RP1: variants seen among roughly 807,000 people sequenced by gnomAD.
RP1 encodes the protein oxygen-regulated protein 1.
In RP1, 16 loss-of-function variants were observed where a neutral mutation model predicts 14.8. The ratio of observed to expected loss-of-function variants is 1.08; its 90% CI spans 0.73 to 1.65. RP1 has a LOEUF of 1.65. Ranked by LOEUF, RP1 falls within the 40% of genes most tolerant of loss-of-function variation. The pLI, the probability that RP1 is intolerant of heterozygous loss-of-function variation, is 0.00. For synonymous variants in RP1, 876 were observed against 883.6 expected, an observed-to-expected ratio of 0.99 and a Z score of 0.15; for missense variants, 2,631 against 2,535.0, an observed-to-expected ratio of 1.04 and a Z score of -0.81.
exon 22 of RP1, chr8:54,759,051 T>A: frequency 6.5e-7 from 1 of 1,535,160 alleles, no homozygotes; most frequent in Non-Finnish European, 8.7e-7. Flanking sequence ...CGGCACCACA[T>A]CCGAGTCCAT....
chr8:54,671,179 A>G lies in RP1; in HGVS notation c.1324-2671A>G, dbSNP rs984195743. Among the ~76,000 whole-genome samples the G allele has an allele frequency of 2.6e-5, 4 of 151,968 alleles. No homozygotes were observed. The East Asian group carries it at 7.7e-4, about 29-fold the overall frequency. On this transcript the variant is annotated intron_variant, in intron 7 of 22. Transcript: ENST00000636932. The stretch of plus-strand genomic sequence containing the variant: ...ATCATCCTGTTGCCCTTTAGCCTGC[A>G]TGGTTTCTACACAAATTTACTCATA...
At chr8:54,832,019 C>T (rs1811541983) in intron 24 of RP1, among the ~76,000 whole-genome samples, 2 of 151,842 alleles carry the variant, frequency 1.3e-5, no homozygotes, top group African/African-American at 4.8e-5. Flanking sequence ...AAAATAGCCA[C>T]TATTCTTACT....
chr8:54,767,627 T>A (rs925172576), intron 22 of RP1, among the ~76,000 whole-genome samples: 2 of 152,178 alleles, frequency 1.3e-5, no homozygotes, highest in Admixed American at 1.3e-4. Context: ...CCCAAAGTGC[T>A]GGGATTACAG....
intron 24 of RP1, among the ~76,000 whole-genome samples, chr8:54,812,567 GAAAGATCCGT>G: frequency 6.6e-6 from 1 of 152,272 alleles, no homozygotes; most frequent in East Asian, 1.9e-4. Context: ...ACCAACCTTA[GAAAGATCCGT>G]AAAGTTATTT....
chr8:54,710,586 G>C (rs1253600634), intron 15 of RP1, among the ~76,000 whole-genome samples: 1 of 152,210 alleles, frequency 6.6e-6, no homozygotes, highest in Non-Finnish European at 1.5e-5. Flanking sequence ...CACCCAAGAA[G>C]AATGAGGTCA....
chr8:54,869,880 C>G, exon 29 of RP1: 1 of 1,231,598 alleles, frequency 8.1e-7, no homozygotes, highest in Non-Finnish European at 1.0e-6. Context: ...CAAGACCCAG[C>G]GGGAATTGCT....
chr8:54,863,550 T>C (rs1812397792), intron 27 of RP1, among the ~76,000 whole-genome samples: 1 of 152,246 alleles, frequency 6.6e-6, no homozygotes, highest in African/African-American at 2.4e-5. Flanking sequence ...GATACGAGGA[T>C]GGAATCAACT....
At chr8:54,837,778 T>C in intron 25 of RP1, 1 of 544,044 alleles carries the variant, frequency 1.8e-6, no homozygotes, top group Non-Finnish European at 2.8e-6. Context: ...AGTAAATATC[T>C]CACACTTCGT....
intron 24 of RP1, among the ~76,000 whole-genome samples, chr8:54,832,711 T>C (rs1181446740): frequency 6.7e-6 from 1 of 150,196 alleles, no homozygotes; most frequent in African/African-American, 2.4e-5. Flanking sequence ...GCAGTAACTC[T>C]GTATTCTGTT....
intron 16 of RP1, among the ~76,000 whole-genome samples, chr8:54,724,221 G>A (rs1028614620): frequency 6.6e-6 from 1 of 152,096 alleles, no homozygotes; most frequent in Non-Finnish European, 1.5e-5. Context: ...GACAAAATAT[G>A]TTTCAGATGA....
At chr8:54,634,235 T>A (rs764966982), downstream of RP1, among the ~76,000 whole-genome samples, 56 of 152,212 alleles carry the variant, frequency 3.7e-4, no homozygotes, top group Non-Finnish European at 6.9e-4. Context: ...AACATGACCA[T>A]GTGCCAAAGA....
upstream of RP1, among the ~76,000 whole-genome samples, chr8:54,612,538 G>T (rs1291622346): frequency 6.6e-6 from 1 of 152,146 alleles, no homozygotes; most frequent in Non-Finnish European, 1.5e-5. Flanking sequence ...TTGTCCAAGT[G>T]GGGAGATGAG....
intron 7 of RP1, among the ~76,000 whole-genome samples, chr8:54,664,560 AT>A (rs948824950): frequency 1.9e-4 from 29 of 151,516 alleles, no homozygotes; most frequent in African/African-American, 5.3e-4. Flanking sequence ...AGACTTGTTA[AT>A]TTTTTTTTAT....
chr8:54,562,600 G>A (rs1352330710), intron 1 of RP1, among the ~76,000 whole-genome samples: 1 of 152,002 alleles, frequency 6.6e-6, no homozygotes, highest in Non-Finnish European at 1.5e-5. Flanking sequence ...ATTGAACCCG[G>A]GAGGCAGAGG....
chr8:54,569,988 G>A (rs901027409), intron 1 of RP1, among the ~76,000 whole-genome samples: 6 of 152,186 alleles, frequency 3.9e-5, no homozygotes, highest in Non-Finnish European at 8.8e-5. Context: ...ACTGGAGTCT[G>A]CGTGCTCCTC....
At chr8:54,738,042 A>G (rs1808979277) in intron 18 of RP1, among the ~76,000 whole-genome samples, 1 of 152,226 alleles carries the variant, frequency 6.6e-6, no homozygotes, top group South Asian at 2.1e-4. Flanking sequence ...TACTAAAAAT[A>G]TCTGCTTATA....
At chr8:54,809,042 A>G (rs1810926812) in intron 24 of RP1, among the ~76,000 whole-genome samples, 1 of 152,222 alleles carries the variant, frequency 6.6e-6, no homozygotes, top group Non-Finnish European at 1.5e-5. Flanking sequence ...TAGTTGTAGT[A>G]TTTATGCAAA....
At chr8:54,709,291 G>T (rs150168869) in intron 15 of RP1, among the ~76,000 whole-genome samples, 4 of 152,290 alleles carry the variant, frequency 2.6e-5, no homozygotes, top group Admixed American at 1.3e-4. Flanking sequence ...AAATGGGTGG[G>T]AGAACACTCT....
At chr8:54,686,179 A>G (rs895533601) in intron 12 of RP1, among the ~76,000 whole-genome samples, 1 of 152,184 alleles carries the variant, frequency 6.6e-6, no homozygotes, top group East Asian at 1.9e-4. Flanking sequence ...CATTTTTGCA[A>G]CAGGAGGTCT....
Sources: allele counts gnomAD v4.1 joint callset (sites outside exome capture counted in the v4.1 genomes callset), GRCh38; gene constraint gnomAD v4.1.1; transcripts MANE v1.5; gene names NCBI Gene and HGNC (gene_info 2026-07-23, HGNC 2026-07-21).